The following SLC16A12 variants were observed in gnomAD, a reference collection of about 807,000 sequenced individuals.
The protein encoded by SLC16A12 is solute carrier family 16 member 12.
A neutral mutation model predicts 42.4 loss-of-function variants in SLC16A12; 17 were observed. The ratio of observed to expected loss-of-function variants is 0.40; its 90% CI spans 0.27 to 0.60. The LOEUF is 0.60. Ranked by LOEUF, SLC16A12 falls within the 20% of genes least tolerant of loss-of-function variation. The pLI is 0.42. For missense variants in SLC16A12, 544 were observed against 623.0 expected, an observed-to-expected ratio of 0.87 and a Z score of 1.35; for synonymous variants, 224 against 229.4, an observed-to-expected ratio of 0.98 and a Z score of 0.21.
intron 2 of SLC16A12, among the ~76,000 whole-genome samples, chr10:89,524,796 G>A (rs1167818014): frequency 6.6e-6 from 1 of 152,166 alleles, no homozygotes; most frequent in African/African-American, 2.4e-5. Flanking sequence ...CCTGGGAAGA[G>A]GTAAACTCAT....
chr10:89,550,094 A>G (rs992787935), intron 2 of SLC16A12, among the ~76,000 whole-genome samples: 2 of 151,674 alleles, frequency 1.3e-5, no homozygotes, highest in Non-Finnish European at 1.5e-5. Context: ...CTTTTTTTCC[A>G]TCTGCACTGT....
At chr10:89,504,873 A>G (rs1264406409) in intron 2 of SLC16A12, among the ~76,000 whole-genome samples, 2 of 152,206 alleles carry the variant, frequency 1.3e-5, no homozygotes, top group Non-Finnish European at 2.9e-5. Context: ...GGGCAGAGGA[A>G]CATGCAGCCC....
chr10:89,530,567 A>G (rs559094123), intron 2 of SLC16A12, among the ~76,000 whole-genome samples: 161 of 151,882 alleles, frequency 1.1e-3, no homozygotes, highest in East Asian at 0.01. Flanking sequence ...ACAGGCGCCT[A>G]CCACCACGCC....
At chr10:89,455,161 G>C (rs1023474524) in intron 3 of SLC16A12, among the ~76,000 whole-genome samples, 1 of 152,108 alleles carries the variant, frequency 6.6e-6, no homozygotes. Context: ...TACAAGCTGA[G>C]AAAACAAATC....
At chr10:89,457,861 G>C (rs2133733668) in intron 3 of SLC16A12, among the ~76,000 whole-genome samples, 1 of 152,286 alleles carries the variant, frequency 6.6e-6, no homozygotes, top group South Asian at 2.1e-4. Flanking sequence ...TGGAAACTGA[G>C]AGCAGCAGTA....
chr10:89,530,111 T>C (rs1204974957), intron 2 of SLC16A12, among the ~76,000 whole-genome samples: 1 of 152,218 alleles, frequency 6.6e-6, no homozygotes, highest in Non-Finnish European at 1.5e-5. Flanking sequence ...TGGGTCATGA[T>C]TGGAGTTCTA....
Position 89,439,174 on chromosome 10 carries a change from A to C in SLC16A12, c.458T>G (p.Phe153Cys). Residue 153 changes from phenylalanine to cysteine, a missense_variant, in exon 6 of 8, where the codon TTT becomes TGT. Physicochemically the swap from Phe to Cys is radical, Grantham distance 205 (BLOSUM62 -2). Transcript: ENST00000371790. ...LTLGVLTGLG[F>C]ALCYSPAIAM... ...AATAGCTGGAGAGTAACAAAGTGCA[A>C]ATCCAAGACCTGAGGATAAAGAGAA... 1.9e-6 allele frequency: 3 copies of C among 1,614,138 alleles called. No homozygotes were observed. Among genetic ancestry groups the C allele is most frequent in the Non-Finnish European group, 2.5e-6 (3 of 1,180,020 alleles).
intron 2 of SLC16A12, among the ~76,000 whole-genome samples, chr10:89,481,179 G>A (rs1842655893): frequency 6.6e-6 from 1 of 152,016 alleles, no homozygotes; most frequent in African/African-American, 2.4e-5. Context: ...ATATGCATAA[G>A]GACAAAATAA....
At chr10:89,443,663 T>G (rs1841952386) in intron 4 of SLC16A12, 93 bp downstream of exon 4, 1 of 926,006 alleles carries the variant, frequency 1.1e-6, no homozygotes, top group African/African-American at 1.6e-5. Context: ...CCCTTCTACT[T>G]AGGAAAACTA....
At chr10:89,443,457 G>T (rs1556611) in intron 4 of SLC16A12, among the ~76,000 whole-genome samples, 1 of 151,950 alleles carries the variant, frequency 6.6e-6, no homozygotes, top group South Asian at 2.1e-4. Context: ...AAATCAGGAC[G>T]TGTTCTAGAA....
intron 3 of SLC16A12, among the ~76,000 whole-genome samples, chr10:89,448,586 A>C (rs1842041253): frequency 6.6e-6 from 1 of 152,198 alleles, no homozygotes; most frequent in Admixed American, 6.5e-5. Context: ...TCAATAAACT[A>C]GGTATTGATG....
chr10:89,459,405 G>A (rs1417496033), intron 3 of SLC16A12, among the ~76,000 whole-genome samples: 1 of 151,966 alleles, frequency 6.6e-6, no homozygotes, highest in Non-Finnish European at 1.5e-5. Context: ...GTGTATGTTT[G>A]TGTGTGTGTA....
chr10:89,526,453 A>G (rs1843454013), intron 2 of SLC16A12, among the ~76,000 whole-genome samples: 1 of 152,202 alleles, frequency 6.6e-6, no homozygotes, highest in African/African-American at 2.4e-5. Context: ...CTCTCCCCAC[A>G]GGCATCAAAG....
intron 3 of SLC16A12, among the ~76,000 whole-genome samples, chr10:89,454,529 T>G (rs1047136015): frequency 5.3e-5 from 8 of 152,094 alleles, no homozygotes; most frequent in Admixed American, 3.3e-4. Context: ...GAGCTAGCCC[T>G]TCTTAGTGTG....
At chr10:89,466,140 G>A (rs576917524) in intron 2 of SLC16A12, among the ~76,000 whole-genome samples, 47 of 152,272 alleles carry the variant, frequency 3.1e-4, no homozygotes, top group Non-Finnish European at 3.8e-4. Flanking sequence ...CCATAAAATG[G>A]AGGTAATAAT....
At chr10:89,544,158 C>A (rs528753499) in intron 2 of SLC16A12, among the ~76,000 whole-genome samples, 1 of 152,158 alleles carries the variant, frequency 6.6e-6, no homozygotes, top group East Asian at 1.9e-4. Context: ...CCATTATGGC[C>A]CCACACCTAA....
At chr10:89,476,323 A>T (rs1589691095) in intron 2 of SLC16A12, among the ~76,000 whole-genome samples, 1 of 152,180 alleles carries the variant, frequency 6.6e-6, no homozygotes, top group African/African-American at 2.4e-5. Flanking sequence ...TCACTCTGTA[A>T]TCGCTGCCAT....
intron 2 of SLC16A12, among the ~76,000 whole-genome samples, chr10:89,475,624 G>A (rs1336463968): frequency 6.6e-6 from 1 of 152,072 alleles, no homozygotes; most frequent in African/African-American, 2.4e-5. Context: ...AACAAATCCT[G>A]GTAACGGGAG....
At chr10:89,528,706 A>G (rs1432683122) in intron 2 of SLC16A12, among the ~76,000 whole-genome samples, 3 of 152,232 alleles carry the variant, frequency 2.0e-5, no homozygotes, top group Non-Finnish European at 4.4e-5. Flanking sequence ...CAAAATTATT[A>G]TTACATATGT....
Sources: gnomAD v4.1 joint callset for allele counts (sites outside exome capture counted in the v4.1 genomes callset) on GRCh38, gnomAD v4.1.1 for gene constraint, MANE v1.5 for transcripts, NCBI Gene and HGNC (gene_info 2026-07-23, HGNC 2026-07-21) for gene names.